RELN: variants seen among roughly 807,000 people sequenced by gnomAD.
The protein encoded by RELN is reelin.
A neutral mutation model predicts 427.6 loss-of-function variants in RELN; 108 were observed. That is an observed-to-expected ratio of 0.25 (90% confidence interval 0.22 to 0.30). RELN has a LOEUF of 0.30. Among genes scored for constraint, RELN ranks in the 10% least tolerant of loss-of-function variants. The pLI, the probability that RELN is intolerant of heterozygous loss-of-function variation, is 1.00. For synonymous variants in RELN, 1,524 were observed against 1,513.4 expected (o/e 1.01, Z -0.16); for missense variants, 3,715 against 4,302.8 (o/e 0.86, Z 3.82).
chr7:103,790,770 T>A (rs558469817), intron 3 of RELN, among the ~76,000 whole-genome samples: 1 of 152,192 alleles, frequency 6.6e-6, no homozygotes, highest in African/African-American at 2.4e-5. Flanking sequence ...GAGACCAGTC[T>A]GGCCAATATG....
intron 49 of RELN, among the ~76,000 whole-genome samples, chr7:103,517,775 T>C (rs1169346267): frequency 6.6e-6 from 1 of 152,224 alleles, no homozygotes; most frequent in Non-Finnish European, 1.5e-5. Context: ...AAACTGCTGG[T>C]ATTTCCTCAG....
At chr7:103,747,403 T>TA (rs1158187720) in intron 6 of RELN, among the ~76,000 whole-genome samples, 1 of 145,092 alleles carries the variant, frequency 6.9e-6, no homozygotes, top group East Asian at 2.0e-4. Flanking sequence ...CCCTAAAACT[T>TA]AAAGTATAAT....
chr7:103,519,850 C>T (rs1417537750), intron 48 of RELN, among the ~76,000 whole-genome samples: 1 of 151,854 alleles, frequency 6.6e-6, no homozygotes, highest in Non-Finnish European at 1.5e-5. Context: ...CTGGTATTTC[C>T]ATTCTTTTAA....
At chr7:103,929,482 G>A (rs1200411927) in intron 1 of RELN, among the ~76,000 whole-genome samples, 3 of 152,164 alleles carry the variant, frequency 2.0e-5, no homozygotes, top group South Asian at 2.1e-4. Flanking sequence ...GACGTACAGA[G>A]TTAGGTTCCT....
chr7:103,937,879 C>T (rs1286554224), intron 1 of RELN, among the ~76,000 whole-genome samples: 1 of 152,170 alleles, frequency 6.6e-6, no homozygotes, highest in Non-Finnish European at 1.5e-5. Flanking sequence ...ACTAACCAGG[C>T]TCAGTATAAA....
At chr7:103,615,322 T>C (rs1001545642) in intron 20 of RELN, among the ~76,000 whole-genome samples, 1 of 152,184 alleles carries the variant, frequency 6.6e-6, no homozygotes. Flanking sequence ...CTTAGTAGAA[T>C]TTGAGTCTCC....
intron 8 of RELN, 121 bp downstream of exon 8, chr7:103,723,019 C>A (rs1375537165): frequency 4.5e-6 from 3 of 673,462 alleles, no homozygotes; most frequent in South Asian, 3.4e-5. Flanking sequence ...TTATTTACTG[C>A]AAAATTAAGA....
At chr7:103,918,776 AT>A (rs1795545192) in intron 1 of RELN, among the ~76,000 whole-genome samples, 1 of 152,292 alleles carries the variant, frequency 6.6e-6, no homozygotes, top group South Asian at 2.1e-4. Context: ...GAAAAGCCAC[AT>A]GGAAAAAAAG....
intron 3 of RELN, among the ~76,000 whole-genome samples, chr7:103,808,662 A>G (rs149839040): frequency 6.6e-6 from 1 of 152,212 alleles, no homozygotes; most frequent in East Asian, 1.9e-4. Flanking sequence ...AAGGAAAAAA[A>G]TCTCTTGGAA....
At chr7:103,974,154 G>GAATA (rs112419776) in intron 1 of RELN, among the ~76,000 whole-genome samples, 26,415 of 151,822 alleles carry the variant, frequency 0.17, 2,390 homozygotes, top group Middle Eastern at 0.3. Flanking sequence ...AAAAGTAAAT[G>GAATA]AATAAATAAA....
intron 53 of RELN, among the ~76,000 whole-genome samples, chr7:103,499,504 A>ATAAC (rs1373693664): frequency 1.3e-5 from 2 of 152,204 alleles, no homozygotes; most frequent in African/African-American, 4.8e-5. Flanking sequence ...TTGCAATGCA[A>ATAAC]TAACTGTATA....
intron 30 of RELN, among the ~76,000 whole-genome samples, chr7:103,572,526 ACAG>A (rs1830905779): frequency 6.6e-6 from 1 of 151,944 alleles, no homozygotes; most frequent in Non-Finnish European, 1.5e-5. Flanking sequence ...CTTCATTGTG[ACAG>A]TCTGTTATAA....
intron 2 of RELN, among the ~76,000 whole-genome samples, chr7:103,889,234 C>A (rs752598550): frequency 1.3e-5 from 2 of 152,172 alleles, no homozygotes; most frequent in African/African-American, 4.8e-5. Context: ...AAGTAAAACA[C>A]TCTTGCTTTT....
intron 1 of RELN, among the ~76,000 whole-genome samples, chr7:103,950,021 T>C (rs769285042): frequency 1.4e-4 from 22 of 152,190 alleles, no homozygotes; most frequent in Non-Finnish European, 2.6e-4. Flanking sequence ...ACAAACAATA[T>C]AAATTTCTTT....
intron 28 of RELN, 144 bp from the exon 29 acceptor site, chr7:103,575,849 G>T: frequency 2.2e-6 from 2 of 905,492 alleles, no homozygotes; most frequent in Non-Finnish European, 3.6e-6. Context: ...ACCTTCATAA[G>T]CTGTCTCTCA....
intron 3 of RELN, 131 bp downstream of exon 3, chr7:103,833,406 C>G: frequency 1.0e-6 from 1 of 958,888 alleles, no homozygotes; most frequent in Non-Finnish European, 1.6e-6. Context: ...TTTTTGGCAA[C>G]AAAATTAGTG....
At chr7:103,921,531 C>T (rs1041305697) in intron 1 of RELN, among the ~76,000 whole-genome samples, 8 of 152,130 alleles carry the variant, frequency 5.3e-5, no homozygotes, top group Admixed American at 6.6e-5. Context: ...CGATTTCATA[C>T]AGAATTCTGA....
chr7:103,742,727 G>C (rs143958553), intron 6 of RELN, among the ~76,000 whole-genome samples: 1,970 of 152,264 alleles, frequency 0.013, 21 homozygotes, highest in South Asian at 0.038. Context: ...AGAATAAAAA[G>C]AAACGAACAA....
chr7:103,970,442 G>C (rs551843108), intron 1 of RELN, among the ~76,000 whole-genome samples: 2 of 152,194 alleles, frequency 1.3e-5, no homozygotes, highest in African/African-American at 4.8e-5. Flanking sequence ...ACCACTCCCG[G>C]CCTCTCATTA....
Sources: allele counts gnomAD v4.1 joint callset (sites outside exome capture counted in the v4.1 genomes callset), GRCh38; gene constraint gnomAD v4.1.1; transcripts MANE v1.5; gene names NCBI Gene and HGNC (gene_info 2026-07-23, HGNC 2026-07-21).